The following PCDH11X variants were observed in gnomAD, a reference collection of about 807,000 sequenced individuals.
The protein encoded by PCDH11X is protocadherin 11 X-linked, also known as protocadherin-11 X-linked.
A neutral mutation model predicts 53.3 loss-of-function variants in PCDH11X; 18 were observed. The observed-to-expected ratio is 0.34, with a 90% CI of 0.23 to 0.50. The LOEUF (loss-of-function observed/expected upper bound fraction) is 0.50, where lower values mean the gene tolerates loss of function less well. PCDH11X is among the 20% of genes least tolerant of loss of function. PCDH11X has a pLI of 0.98. For synonymous variants in PCDH11X, 279 were observed against 393.3 expected (o/e 0.71, Z 3.44); for missense variants, 570 against 1,032.4 (o/e 0.55, Z 6.14).
At chrX:92,585,403 G>A (rs1241531520) in intron 10 of PCDH11X, among the ~76,000 whole-genome samples, 12 of 96,444 alleles carry the variant, frequency 1.2e-4, no homozygotes, top group African/African-American at 3.6e-4. Flanking sequence ...ACAGAGTCTC[G>A]CTCTGTCGCC....
intron 5 of PCDH11X, among the ~76,000 whole-genome samples, chrX:91,866,946 G>A (rs756318868): frequency 1.8e-5 from 2 of 111,292 alleles, no homozygotes; most frequent in Admixed American, 1.9e-4. Context: ...GTGTTTCATT[G>A]AGCAAAACTG....
chrX:92,506,520 A>G (rs1280600544), intron 10 of PCDH11X, among the ~76,000 whole-genome samples: 1 of 104,573 alleles, frequency 9.6e-6, no homozygotes, highest in Non-Finnish European at 2.0e-5. Context: ...TGTTCTGTTT[A>G]TATGATGAAT....
At chrX:92,114,373 A>G (rs1006248770) in intron 6 of PCDH11X, 321 of 1,124,358 alleles carry the variant, frequency 2.9e-4, no homozygotes, top group Non-Finnish European at 3.7e-4. Flanking sequence ...GCTGTCAACA[A>G]TCTCATTCCA....
intron 10 of PCDH11X, among the ~76,000 whole-genome samples, chrX:92,585,277 C>A (rs1924246659): frequency 9.0e-6 from 1 of 110,742 alleles, no homozygotes; most frequent in Non-Finnish European, 1.9e-5. Flanking sequence ...CCGGGGATTA[C>A]AATTCCACGT....
At chrX:92,296,008 G>A (rs772237472) in intron 8 of PCDH11X, among the ~76,000 whole-genome samples, 40 of 109,216 alleles carry the variant, frequency 3.7e-4, no homozygotes, top group Non-Finnish European at 6.5e-4. Context: ...GCTTGAACCC[G>A]GGAGGCGAGG....
At chrX:91,997,888 C>T (rs1361742686) in intron 6 of PCDH11X, among the ~76,000 whole-genome samples, 1 of 108,699 alleles carries the variant, frequency 9.2e-6, no homozygotes, top group African/African-American at 3.3e-5. Context: ...CTGATTCAGC[C>T]TCCTCATGTG....
intron 6 of PCDH11X, among the ~76,000 whole-genome samples, chrX:91,986,199 T>G (rs972514820): frequency 8.3e-5 from 9 of 108,381 alleles, no homozygotes; most frequent in African/African-American, 3.0e-4. Flanking sequence ...TCTGGCAGTT[T>G]CAACTGCCAA....
chrX:91,825,737 G>A (rs1454347977), intron 4 of PCDH11X, among the ~76,000 whole-genome samples: 2 of 107,551 alleles, frequency 1.9e-5, no homozygotes, highest in Non-Finnish European at 3.8e-5. Context: ...CTGTGTATTT[G>A]GTACAGTGCC....
intron 8 of PCDH11X, among the ~76,000 whole-genome samples, chrX:92,268,557 A>C (rs749594403): frequency 6.3e-5 from 7 of 111,758 alleles, no homozygotes; most frequent in Non-Finnish European, 1.3e-4. Flanking sequence ...GCTCTAATTT[A>C]GCATTACCAC....
chrX:92,531,053 GC>G (rs1207069484), intron 10 of PCDH11X, among the ~76,000 whole-genome samples: 1 of 110,579 alleles, frequency 9.0e-6, no homozygotes, highest in Non-Finnish European at 1.9e-5. Flanking sequence ...AAATAGAAAG[GC>G]TTCCTTAAAC....
intron 6 of PCDH11X, among the ~76,000 whole-genome samples, chrX:92,084,299 G>A (rs2063911696): frequency 9.1e-6 from 1 of 110,298 alleles, no homozygotes; most frequent in Non-Finnish European, 1.9e-5. Flanking sequence ...TGTAATCCCA[G>A]CACTTTGGGA....
chrX:92,590,554 G>A (rs1399698050), intron 10 of PCDH11X, among the ~76,000 whole-genome samples: 1 of 110,269 alleles, frequency 9.1e-6, no homozygotes, highest in Non-Finnish European at 1.9e-5. Flanking sequence ...TGGTGAACAT[G>A]CTAGGCACTA....
In PCDH11X at chrX:92,622,299, T is replaced by C. The variant is rs746370397; in HGVS notation, c.*3359T>C. Reference sequence around the variant, plus strand: ...ATAGACTAAACAAATCACAAATTGTTCAGTTCTTAAAATGTAATTATGTCA... The same window carrying C: ...ATAGACTAAACAAATCACAAATTGTCCAGTTCTTAAAATGTAATTATGTCA... On this transcript the variant is annotated 3_prime_UTR_variant, in exon 11 of 11. Transcript: ENST00000682573. 8.3e-4 allele frequency: 90 copies of C among 108,718 alleles called. No individual in the cohort carries two copies. The highest frequency in any genetic ancestry group is 2.7e-3 in the African/African-American group (81 of 30,064). The allele number at this position is 108,718 out of a possible 1,213,427, so 9.0% of individuals were successfully genotyped here. A position where few individuals can be genotyped will look rare whatever the true frequency, so the allele number is the denominator to read the frequency against.
At chrX:91,950,216 T>C (rs2061622075) in intron 6 of PCDH11X, among the ~76,000 whole-genome samples, 1 of 107,191 alleles carries the variant, frequency 9.3e-6, no homozygotes, top group Non-Finnish European at 1.9e-5. Flanking sequence ...AATTGTCTAA[T>C]GGTGAAGTCT....
In PCDH11X at chrX:92,268,846, G is replaced by A. The variant is rs766948344; in HGVS notation, c.3144+5703G>A. Reference sequence around the variant, plus strand: ...CACTTATCAGCCAGGCACAGTGGCCGATAACATCAGTCTGGCCAACCTCGT... The same window carrying A: ...CACTTATCAGCCAGGCACAGTGGCCAATAACATCAGTCTGGCCAACCTCGT... On this transcript the variant is annotated intron_variant, in intron 8 of 10. Coordinates refer to ENST00000682573, the MANE Select transcript of PCDH11X (RefSeq NM_032968.5). Among the ~76,000 whole-genome samples, 228 of 112,127 alleles carry A rather than the reference G, an allele frequency of 2.0e-3. 1 individual carries two copies. The highest frequency in any genetic ancestry group is 6.9e-3 in the African/African-American group (212 of 30,901).
At chrX:92,556,001 G>C (rs1273646170) in intron 10 of PCDH11X, among the ~76,000 whole-genome samples, 1 of 109,264 alleles carries the variant, frequency 9.2e-6, no homozygotes, top group Non-Finnish European at 1.9e-5. Flanking sequence ...AGAAAGGAGT[G>C]AGTGCTGAGC....
chrX:92,163,649 T>A (rs1311849584), intron 6 of PCDH11X, among the ~76,000 whole-genome samples: 2 of 111,870 alleles, frequency 1.8e-5, no homozygotes, highest in Non-Finnish European at 3.8e-5. Context: ...ACAGTCCCCC[T>A]TTCCCACTGT....
intron 4 of PCDH11X, among the ~76,000 whole-genome samples, chrX:91,820,428 A>G (rs1238866932): frequency 3.5e-5 from 3 of 85,586 alleles, no homozygotes; most frequent in Admixed American, 1.2e-4. Context: ...GCCAGTGATG[A>G]TGAGCATTTT....
intron 10 of PCDH11X, among the ~76,000 whole-genome samples, chrX:92,508,996 A>G (rs1262811504): frequency 1.0e-5 from 1 of 97,282 alleles, no homozygotes; most frequent in Non-Finnish European, 2.1e-5. Context: ...TTATATTGGG[A>G]AAAATACTTT....
Sources: allele counts gnomAD v4.1 joint callset (sites outside exome capture counted in the v4.1 genomes callset), GRCh38; gene constraint gnomAD v4.1.1; transcripts MANE v1.5; gene names NCBI Gene and HGNC (gene_info 2026-07-23, HGNC 2026-07-21).